Variants in KIF13A observed in about 807,000 individuals in gnomAD.
KIF13A encodes kinesin-like protein KIF13A.
Under a neutral mutation model 212.2 loss-of-function variants are expected in KIF13A, and 79 were observed. That is an observed-to-expected ratio of 0.37 (90% CI 0.31 to 0.45). The LOEUF is 0.45. Among genes scored for constraint, KIF13A ranks in the 20% least tolerant of loss-of-function variants. The pLI is 1.00. For missense variants in KIF13A, 1,901 were observed against 2,209.0 expected, an observed-to-expected ratio of 0.86 and a Z score of 2.79; for synonymous variants, 789 against 808.6, an observed-to-expected ratio of 0.98 and a Z score of 0.41.
rs76605886 is a variant in KIF13A at position 17,778,389 on chromosome 6, C to T, written c.4092+558G>A. 7.2e-3 allele frequency among the ~76,000 whole-genome samples: 1,100 copies of T among 152,152 alleles called. 21 individuals carry two copies. The highest frequency in any genetic ancestry group is 0.025 in the African/African-American group (1,049 of 41,560). The stretch of plus-strand genomic sequence containing the variant: ...ATTACATTCCTCCTATTAATCAACA[C>T]CTCCCCCAATAATGTCAACTATTGC... On this transcript the variant is annotated intron_variant, in intron 33 of 38. Coordinates refer to ENST00000259711, the MANE Select transcript of KIF13A (RefSeq NM_022113.6).
In KIF13A at chr6:17,868,989, C is replaced by CA. The variant is rs71002278; in HGVS notation, c.220+4387dup. ...TGGGCGACAGAGGGAGACTCCCTCTCAAAAAAAAAAAAAAAAAAAAAAAAA... is the reference window on the plus strand; with the variant it reads ...TGGGCGACAGAGGGAGACTCCCTCTCAAAAAAAAAAAAAAAAAAAAAAAAAA... On this transcript the variant is annotated intron_variant, in intron 4 of 38. Transcript: ENST00000259711. Among the ~76,000 whole-genome samples the CA allele has an allele frequency of 5.9e-3, 123 of 20,922 alleles. 7 individuals are homozygous for CA. Among genetic ancestry groups the CA allele is most frequent in the East Asian group, 0.011 (6 of 570 alleles). 13.7% of individuals were successfully genotyped at this position (20,922 alleles called of 152,430 possible).
chr6:17,954,871 G>T (rs544369009), intron 2 of KIF13A, among the ~76,000 whole-genome samples: 1 of 152,068 alleles, frequency 6.6e-6, no homozygotes, highest in Non-Finnish European at 1.5e-5. Context: ...AAGAGACGGG[G>T]TCTTGCTATG....
chr6:17,775,839 T>TA (rs1759916074), intron 34 of KIF13A, among the ~76,000 whole-genome samples: 1 of 152,114 alleles, frequency 6.6e-6, no homozygotes, highest in South Asian at 2.1e-4. Context: ...AGATTGAGGT[T>TA]GAAAAAAATA....
chr6:17,928,147 T>C (rs549612395), intron 2 of KIF13A, among the ~76,000 whole-genome samples: 1 of 152,320 alleles, frequency 6.6e-6, no homozygotes, highest in Non-Finnish European at 1.5e-5. Flanking sequence ...CTGAAGTCTG[T>C]GAAGCTAGTC....
chr6:17,792,729 A>C (rs1455120899), intron 25 of KIF13A, among the ~76,000 whole-genome samples: 1 of 152,204 alleles, frequency 6.6e-6, no homozygotes, highest in Non-Finnish European at 1.5e-5. Flanking sequence ...GCTAGAGGGA[A>C]TTTTGGGCTT....
At chr6:17,974,922 T>C (rs1780165833) in intron 2 of KIF13A, among the ~76,000 whole-genome samples, 1 of 152,200 alleles carries the variant, frequency 6.6e-6, no homozygotes, top group Admixed American at 6.5e-5. Flanking sequence ...GCTACCACAT[T>C]GGACAGTGAA....
rs1759446301 is a variant in KIF13A at position 17,771,047 on chromosome 6, T to A, written c.4581+67A>T. The A allele has an allele frequency of 3.0e-6, 3 of 985,458 alleles. No individual in the cohort carries two copies. In the African/African-American group the frequency reaches 4.8e-5, roughly 16 times the overall value. The allele number at this position is 985,458 out of a possible 1,614,324, so 61.0% of individuals were successfully genotyped here. A position where few individuals can be genotyped will look rare whatever the true frequency, so the allele number is the denominator to read the frequency against. ...GTCTTAATTTCTTCTAGCATTTGGA[T>A]GATTGTCTGTGAAAGGGCCTTAAAC... is the stretch of plus-strand genomic sequence containing the variant. On this transcript the variant is annotated intron_variant, in intron 38 of 38. Transcript: ENST00000259711. This position sits in a 1 kb window ranked among gnomAD's most constrained non-coding sequence, Gnocchi z 5.4.
At position 17,897,155 on chromosome 6, in the gene KIF13A, A is replaced by C. The variant is rs539581385; in HGVS notation, c.159+1013T>G. ...ATTGCCAAGGACAATGTCTTCAATA[A>C]GTACAAGGTATACAGCAGCATTTTA... is the stretch of plus-strand genomic sequence containing the variant. On this transcript the variant is annotated intron_variant, in intron 3 of 38. Coordinates refer to ENST00000259711, the MANE Select transcript of KIF13A (RefSeq NM_022113.6). The surrounding 1 kb of genome is among the most constrained non-coding windows in gnomAD (Gnocchi z 4.8). 2.0e-5 allele frequency among the ~76,000 whole-genome samples: 3 copies of C among 152,346 alleles called. No individual in the cohort carries two copies. Among genetic ancestry groups the C allele is most frequent in the Non-Finnish European group, 2.9e-5 (2 of 68,038 alleles).
intron 20 of KIF13A, among the ~76,000 whole-genome samples, chr6:17,801,417 G>T (rs1410753873): frequency 6.6e-6 from 1 of 152,128 alleles, no homozygotes; most frequent in Non-Finnish European, 1.5e-5. Context: ...TGGCAGGACT[G>T]CTTGAACCCG....
intron 16 of KIF13A, among the ~76,000 whole-genome samples, chr6:17,817,888 A>G (rs560772017): frequency 5.3e-5 from 8 of 152,330 alleles, no homozygotes; most frequent in African/African-American, 1.9e-4. Context: ...GCTCACCACC[A>G]TGCACATGGG....
At position 17,849,365 on chromosome 6, in the gene KIF13A, C is replaced by T. The variant is rs369385104; in HGVS notation, c.830+12G>A. Reference sequence around the variant, plus strand: ...GAAATCACCCAGGCTGTTCTGGGACCAGCCACCTTACTTGTTAATGTTGCT... The same window carrying T: ...GAAATCACCCAGGCTGTTCTGGGACTAGCCACCTTACTTGTTAATGTTGCT... On this transcript the variant is annotated intron_variant, in intron 9 of 38. Coordinates refer to ENST00000259711, the MANE Select transcript of KIF13A (RefSeq NM_022113.6). The surrounding 1 kb of genome is among the most constrained non-coding windows in gnomAD (Gnocchi z 5.7). 40 of 1,593,422 alleles carry T rather than the reference C, an allele frequency of 2.5e-5. No homozygotes were observed. In the African/African-American group the frequency reaches 5.0e-4, roughly 20 times the overall value.
chr6:17,945,874 T>C (rs561399499), intron 2 of KIF13A, among the ~76,000 whole-genome samples: 1 of 152,216 alleles, frequency 6.6e-6, no homozygotes, highest in Admixed American at 6.5e-5. Context: ...CTGAAAATGA[T>C]CCTCAGTTAT....
At chr6:17,937,657 C>T (rs913992518) in intron 2 of KIF13A, among the ~76,000 whole-genome samples, 3 of 152,112 alleles carry the variant, frequency 2.0e-5, no homozygotes. Context: ...ATTCATCCAA[C>T]TATTATTGTC....
At position 17,773,379 on chromosome 6, in the gene KIF13A, G is replaced by A; in HGVS notation, c.4324+99C>T. On this transcript the variant is annotated intron_variant, in intron 36 of 38. Transcript: ENST00000259711. The surrounding 1 kb of genome is among the most constrained non-coding windows in gnomAD (Gnocchi z 4.2). ...TATCATCTAGTTAACTAGAATATCAGCTTCATATCTTATTATATGCCATTA... is the reference window on the plus strand; with the variant it reads ...TATCATCTAGTTAACTAGAATATCAACTTCATATCTTATTATATGCCATTA... 1 of 631,018 alleles carries A rather than the reference G, an allele frequency of 1.6e-6. No individual in the cohort carries two copies. Among genetic ancestry groups the A allele is most frequent in the South Asian group, 2.1e-5 (1 of 46,722 alleles). The allele number at this position is 631,018 out of a possible 1,614,324, so 39.1% of individuals were successfully genotyped here. A position where few individuals can be genotyped will look rare whatever the true frequency, so the allele number is the denominator to read the frequency against.
intron 2 of KIF13A, among the ~76,000 whole-genome samples, chr6:17,929,455 C>T (rs1276670245): frequency 6.7e-6 from 1 of 149,860 alleles, no homozygotes; most frequent in Non-Finnish European, 1.5e-5. Flanking sequence ...GGCTGGAGTG[C>T]AGTGGCACGA....
In KIF13A at chr6:17,799,478, A is replaced by G; in HGVS notation, c.2617-39T>C. ...CAATACAAATAAAACTCCAATGAAC[A>G]CTAAACATTCTTTCATTTCAGCTAC... On this transcript the variant is annotated intron_variant, in intron 21 of 38. Coordinates refer to ENST00000259711, the MANE Select transcript of KIF13A (RefSeq NM_022113.6). The surrounding 1 kb of genome is among the most constrained non-coding windows in gnomAD (Gnocchi z 4.4). 1 of 1,423,738 alleles carries G rather than the reference A, an allele frequency of 7.0e-7. No homozygotes were observed. The highest frequency in any genetic ancestry group is 9.4e-7 in the Non-Finnish European group (1 of 1,067,224). The allele number at this position is 1,423,738 out of a possible 1,614,324, so 88.2% of individuals were successfully genotyped here.
chr6:17,983,312 A>G (rs1781252199), intron 2 of KIF13A, among the ~76,000 whole-genome samples: 1 of 152,076 alleles, frequency 6.6e-6, no homozygotes, highest in Non-Finnish European at 1.5e-5. Context: ...GTGGCTACCC[A>G]TTTTCCGAGA....
intron 2 of KIF13A, among the ~76,000 whole-genome samples, chr6:17,983,103 G>A (rs985170054): frequency 1.3e-5 from 2 of 150,522 alleles, no homozygotes; most frequent in Non-Finnish European, 3.0e-5. Context: ...AACCCAGGAG[G>A]CGGAGGTTGC....
At chr6:17,822,040 C>CT (rs1764507652) in intron 16 of KIF13A, 8 of 615,870 alleles carry the variant, frequency 1.3e-5, no homozygotes, top group Non-Finnish European at 1.9e-5. Context: ...GGAAACATAA[C>CT]TTCTTTTTTT....
Sources: gnomAD v4.1 joint callset for allele counts (sites outside exome capture counted in the v4.1 genomes callset) on GRCh38, gnomAD v4.1.1 for gene constraint, Gnocchi (gnomAD v3.1) non-coding constraint, MANE v1.5 for transcripts, NCBI Gene and HGNC (gene_info 2026-07-23, HGNC 2026-07-21) for gene names.